SUGCT: variants seen among roughly 807,000 people sequenced by gnomAD.
SUGCT encodes succinyl-CoA:glutarate CoA-transferase.
In SUGCT, 41 loss-of-function variants were observed where a neutral mutation model predicts 55.0. The observed-to-expected ratio is 0.74, with a 90% confidence interval of 0.58 to 0.97. SUGCT has a LOEUF of 0.97. Among genes scored for constraint, SUGCT ranks in the 50% least tolerant of loss-of-function variants. The probability of loss-of-function intolerance (pLI) is 0.00; values close to 1 mark genes in which losing one functional copy is unlikely to be tolerated. For missense variants in SUGCT, 568 were observed against 547.8 expected, an observed-to-expected ratio of 1.04 and a Z score of -0.37; for synonymous variants, 187 against 200.4, an observed-to-expected ratio of 0.93 and a Z score of 0.56.
chr7:40,314,581 T>TTTTTTA (rs869061757), intron 8 of SUGCT, among the ~76,000 whole-genome samples: 6 of 148,960 alleles, frequency 4.0e-5, no homozygotes, highest in Admixed American at 6.7e-5. Flanking sequence ...TTTTTTTTTT[T>TTTTTTA]AAGACAGAGT....
At chr7:40,593,312 A>T (rs189815287) in intron 12 of SUGCT, among the ~76,000 whole-genome samples, 4 of 152,222 alleles carry the variant, frequency 2.6e-5, no homozygotes, top group Non-Finnish European at 5.9e-5. Flanking sequence ...ACACCATCCC[A>T]CATGCCCAGC....
intron 7 of SUGCT, among the ~76,000 whole-genome samples, chr7:40,252,944 G>T (rs1251734626): frequency 6.6e-6 from 1 of 152,206 alleles, no homozygotes; most frequent in Non-Finnish European, 1.5e-5. Flanking sequence ...ACCATGCAAG[G>T]CTAAAACTTA....
intron 9 of SUGCT, among the ~76,000 whole-genome samples, chr7:40,368,499 T>G (rs1215560660): frequency 6.6e-6 from 1 of 151,974 alleles, no homozygotes; most frequent in Non-Finnish European, 1.5e-5. Context: ...ACCCGGACTA[T>G]TGTTCATTAT....
intron 9 of SUGCT, among the ~76,000 whole-genome samples, chr7:40,335,027 T>A (rs543650727): frequency 3.8e-3 from 586 of 152,346 alleles, no homozygotes; most frequent in Non-Finnish European, 5.2e-3. Context: ...CCCCATTTCT[T>A]GTTTTTCTCA....
At chr7:40,173,861 T>C (rs1043397910) in intron 1 of SUGCT, among the ~76,000 whole-genome samples, 7 of 149,088 alleles carry the variant, frequency 4.7e-5, no homozygotes, top group African/African-American at 1.7e-4. Flanking sequence ...TTATATATAA[T>C]GTATTATATA....
the SUGCT span, among the ~76,000 whole-genome samples, chr7:40,983,793 T>C: frequency 6.6e-6 from 1 of 152,224 alleles, no homozygotes; most frequent in Non-Finnish European, 1.5e-5. Context: ...ATGTTAGCAA[T>C]GGAGAAACAA....
At chr7:40,679,858 G>A (rs1352279556) in intron 12 of SUGCT, among the ~76,000 whole-genome samples, 1 of 152,052 alleles carries the variant, frequency 6.6e-6, no homozygotes, top group Non-Finnish European at 1.5e-5. Context: ...ATTCTCTCAT[G>A]ATGAGAATTT....
intron 9 of SUGCT, among the ~76,000 whole-genome samples, chr7:40,318,967 C>T (rs1006374400): frequency 1.3e-5 from 2 of 152,164 alleles, no homozygotes; most frequent in African/African-American, 2.4e-5. Context: ...TGGGTATGCC[C>T]TCAATTATTT....
intron 12 of SUGCT, among the ~76,000 whole-genome samples, chr7:40,634,583 A>C (rs1799940147): frequency 6.6e-6 from 1 of 152,200 alleles, no homozygotes; most frequent in African/African-American, 2.4e-5. Flanking sequence ...CAGGTAGGCA[A>C]GTTTAGAAAG....
chr7:40,878,325 C>G, the SUGCT span, among the ~76,000 whole-genome samples: 3 of 152,120 alleles, frequency 2.0e-5, no homozygotes, highest in African/African-American at 7.2e-5. Flanking sequence ...CTGTGTTTAT[C>G]TCTATTGAGC....
intron 9 of SUGCT, among the ~76,000 whole-genome samples, chr7:40,366,248 T>G (rs1164107641): frequency 3.3e-5 from 5 of 152,098 alleles, no homozygotes; most frequent in African/African-American, 1.2e-4. Context: ...CCTTACACCT[T>G]ATACAAAAAT....
intron 6 of SUGCT, among the ~76,000 whole-genome samples, chr7:40,233,243 G>A (rs1476656076): frequency 6.6e-6 from 1 of 151,804 alleles, no homozygotes; most frequent in Non-Finnish European, 1.5e-5. Flanking sequence ...TTTTTGAGAT[G>A]GAGTCTTGCC....
At chr7:40,331,262 A>G (rs1311341512) in intron 9 of SUGCT, among the ~76,000 whole-genome samples, 1 of 152,144 alleles carries the variant, frequency 6.6e-6, no homozygotes, top group Non-Finnish European at 1.5e-5. Flanking sequence ...TTCTTCAGTG[A>G]TAGTATTTTA....
chr7:40,925,063 A>C, the SUGCT span, among the ~76,000 whole-genome samples: 1 of 152,206 alleles, frequency 6.6e-6, no homozygotes, highest in Non-Finnish European at 1.5e-5. Flanking sequence ...AGCTTTTTGC[A>C]GTCTCTGTTT....
intron 12 of SUGCT, among the ~76,000 whole-genome samples, chr7:40,515,076 T>A (rs1237168219): frequency 1.3e-5 from 2 of 152,180 alleles, no homozygotes; most frequent in Non-Finnish European, 2.9e-5. Flanking sequence ...TGTGTGTATA[T>A]AGAGTTGTAT....
In SUGCT at chr7:40,220,531, T is replaced by A. The variant is rs79289823; in HGVS notation, c.485-17104T>A. Among the ~76,000 whole-genome samples the A allele has an allele frequency of 5.9e-3, 894 of 152,318 alleles. 5 individuals are homozygous for A. Among genetic ancestry groups the A allele is most frequent in the Non-Finnish European group, 0.01 (686 of 68,022 alleles). ...ACAATGGAGGAAGCACCACTTAATC[T>A]AAGTTGCATGTGGAGGTGACAAAAT... On this transcript the variant is annotated intron_variant, in intron 6 of 13. Coordinates refer to ENST00000335693, the MANE Select transcript of SUGCT (RefSeq NM_001193313.2).
chr7:40,452,885 T>C (rs1213034946), intron 10 of SUGCT, among the ~76,000 whole-genome samples: 1 of 152,106 alleles, frequency 6.6e-6, no homozygotes, highest in African/African-American at 2.4e-5. Flanking sequence ...CCATGAAGCA[T>C]GTATTAAAAG....
intron 9 of SUGCT, among the ~76,000 whole-genome samples, chr7:40,414,233 CTA>C (rs1786846314): frequency 6.6e-6 from 1 of 152,150 alleles, no homozygotes; most frequent in African/African-American, 2.4e-5. Context: ...TCTGAATATA[CTA>C]AATGGAAAAT....
At chr7:40,776,006 G>A (rs1323872942) in intron 13 of SUGCT, among the ~76,000 whole-genome samples, 3 of 152,074 alleles carry the variant, frequency 2.0e-5, no homozygotes, top group Admixed American at 1.3e-4. Context: ...ACTCACCTGA[G>A]CCCTTCCCCA....
Sources: gnomAD v4.1 joint callset for allele counts (sites outside exome capture counted in the v4.1 genomes callset) on GRCh38, gnomAD v4.1.1 for gene constraint, MANE v1.5 for transcripts, NCBI Gene and HGNC (gene_info 2026-07-23, HGNC 2026-07-21) for gene names.